HDHD5: variants seen among roughly 807,000 people sequenced by gnomAD.
HDHD5 encodes haloacid dehalogenase-like hydrolase domain-containing 5.
A neutral mutation model predicts 35.5 loss-of-function variants in HDHD5; 34 were observed. The observed-to-expected ratio is 0.96, with a 90% confidence interval of 0.73 to 1.28. HDHD5 has a LOEUF of 1.28. Among genes scored for constraint, HDHD5 ranks in the 50% most tolerant of loss-of-function variants. The pLI, the probability that HDHD5 is intolerant of heterozygous loss-of-function variation, is 0.00. For missense variants in HDHD5, 589 were observed against 560.2 expected (o/e 1.05, Z -0.52); for synonymous variants, 248 against 240.6 (o/e 1.03, Z -0.29).
upstream of HDHD5, among the ~76,000 whole-genome samples, chr22:17,162,796 T>C (rs115134905): frequency 6.3e-4 from 96 of 152,336 alleles, no homozygotes; most frequent in African/African-American, 2.1e-3. Context: ...ACGTCTACCC[T>C]GTGCTATTCT....
chr22:17,147,315 GC>G, intron 3 of HDHD5, among the ~76,000 whole-genome samples: 1 of 97,872 alleles, frequency 1.0e-5, no homozygotes, highest in Non-Finnish European at 2.0e-5. Flanking sequence ...GAGCTTACAG[GC>G]CTTCGATCAC....
rs202011991 is a variant in HDHD5 at position 17,149,628 on chromosome 22, G to A, written c.244C>T (p.Arg82Trp). 3.7e-6 allele frequency: 6 copies of A among 1,613,536 alleles called. No homozygotes were observed. The highest frequency in any genetic ancestry group is 1.8e-4 in the Middle Eastern group (1 of 5,558). Residue 82 changes from arginine to tryptophan, a missense_variant, in exon 2 of 8, where the codon CGG (arginine) becomes TGG (tryptophan). By Grantham distance (101) the Arg-to-Trp change is moderately radical. Transcript: ENST00000336737. ...TTTGTAACAAAAACCACGGGCACCC[G>A]CAGCTGCCCCTGGGAGTTCACCAGC... ...RRLVNSQGQL[R>W]VPVVFVTNAG... is the part of the protein sequence containing the mutation.
chr22:17,138,434 A>C, intron 7 of HDHD5, 77 bp from the exon 8 acceptor site: 1 of 1,560,490 alleles, frequency 6.4e-7, no homozygotes, highest in South Asian at 1.2e-5. Flanking sequence ...AAGGGAGCAG[A>C]GAAGAGTTTC....
chr22:17,145,131 A>T lies in HDHD5; in HGVS notation c.444-14T>A, dbSNP rs1467869342. The T allele has an allele frequency of 6.2e-7, 1 of 1,614,036 alleles. No homozygotes were observed. The highest frequency in any genetic ancestry group is 8.5e-7 in the Non-Finnish European group (1 of 1,179,974). ...CGGAAGCCCAGTCTGGAGCAAGCTC[A>T]GGAAGTAATGCTGGACAGTTCTTGG... On this transcript the variant is annotated splice_polypyrimidine_tract_variant and intron_variant, in intron 3 of 7. Transcript: ENST00000336737.
At chr22:17,141,030 G>C in intron 6 of HDHD5, 29 bp downstream of exon 6, 1 of 1,549,556 alleles carries the variant, frequency 6.5e-7, no homozygotes, top group Non-Finnish European at 8.7e-7. Context: ...TAGACCACCA[G>C]GCCAAGGCTG....
chr22:17,151,481 G>A (rs2061723913), intron 1 of HDHD5, among the ~76,000 whole-genome samples: 1 of 152,164 alleles, frequency 6.6e-6, no homozygotes, highest in Non-Finnish European at 1.5e-5. Context: ...TGTAATCCCA[G>A]CACTTTGGGA....
chr22:17,145,069 A>T lies in HDHD5; in HGVS notation c.492T>A (p.Phe164Leu). ...CCAGGTCCACCATGTCAAGCAGAGG[A>T]AAGGCCATCCGCAGCTCATCCACGG... The part of the protein sequence containing the change: ...VVTVDELRMA[F>L]PLLDMVDLER... Residue 164 changes from phenylalanine to leucine, a missense_variant, in exon 4 of 8, where the codon TTT becomes TTA. By Grantham distance (22) the Phe-to-Leu change is conservative (BLOSUM62 0). Transcript: ENST00000336737. The T allele has an allele frequency of 6.2e-7, 1 of 1,614,004 alleles. No homozygotes were observed. Among genetic ancestry groups the T allele is most frequent in the Non-Finnish European group, 8.5e-7 (1 of 1,180,032 alleles).
At chr22:17,158,780 G>C (rs2061832228) in intron 1 of HDHD5, 1 of 167,746 alleles carries the variant, frequency 6.0e-6, no homozygotes, top group Admixed American at 6.4e-5. Flanking sequence ...ACATGCAGAT[G>C]AAAATCACGA....
chr22:17,159,392 T>C (rs775351488), upstream of HDHD5: 1 of 968,112 alleles, frequency 1.0e-6, no homozygotes, highest in African/African-American at 1.8e-5. Context: ...GTCGGGCGCC[T>C]ATGGAACTCG....
intron 5 of HDHD5, 43 bp downstream of exon 5, chr22:17,143,055 C>G: frequency 6.2e-7 from 1 of 1,601,274 alleles, no homozygotes; most frequent in Non-Finnish European, 8.5e-7. Context: ...AGAGAGGAGA[C>G]GGAGAAAAGA....
intron 6 of HDHD5, among the ~76,000 whole-genome samples, chr22:17,139,354 C>T (rs1484878921): frequency 2.6e-5 from 4 of 152,058 alleles, no homozygotes; most frequent in African/African-American, 9.7e-5. Flanking sequence ...ATGGTGAAAG[C>T]CTGTCTCTAC....
intron 1 of HDHD5, among the ~76,000 whole-genome samples, chr22:17,157,085 T>TACACACATACACACACAC (rs2061803847): frequency 7.0e-6 from 1 of 143,682 alleles, no homozygotes; most frequent in African/African-American, 2.6e-5. Context: ...CTCACACACA[T>TACACACATACACACACAC]ACACACACAC....
In HDHD5 at chr22:17,148,446, AC is replaced by A. The variant is rs1356525338; in HGVS notation, c.443+1del. 2 of 1,612,202 alleles carry A rather than the reference AC, an allele frequency of 1.2e-6. No individual in the cohort carries two copies. The highest frequency in any genetic ancestry group is 2.7e-5 in the African/African-American group (2 of 74,798). On this transcript the variant is annotated splice_donor_variant, in intron 3 of 7. Coordinates refer to ENST00000336737, the MANE Select transcript of HDHD5 (RefSeq NM_033070.3). LOFTEE classifies it high-confidence loss of function. ...CAGCCAGAGTTAAGACCAAAAGGAT[AC>A]CCCTGGGCATTTTCCATCACGGGCC...
At chr22:17,159,073 C>T in intron 1 of HDHD5, 53 bp downstream of exon 1, 1 of 1,215,668 alleles carries the variant, frequency 8.2e-7, no homozygotes, top group Non-Finnish European at 1.0e-6. Flanking sequence ...GCTCCCCGCC[C>T]CGCCTCCGGC....
chr22:17,157,618 T>C (rs1293441987), intron 1 of HDHD5, among the ~76,000 whole-genome samples: 3 of 152,216 alleles, frequency 2.0e-5, no homozygotes, highest in Non-Finnish European at 2.9e-5. Flanking sequence ...ATACAACAGT[T>C]ATAAATAAGG....
rs546909576 is a variant in HDHD5 at position 17,155,865 on chromosome 22, C to T, written c.126+3261G>A. Among the ~76,000 whole-genome samples the T allele has an allele frequency of 3.3e-5, 5 of 152,198 alleles. No homozygotes were observed. The East Asian group carries it at 9.6e-4, about 29-fold the overall frequency. On this transcript the variant is annotated intron_variant, in intron 1 of 7. Transcript: ENST00000336737. Reference sequence around the variant, plus strand: ...CAGGAACTCATAGCTGAAGAAGAGGCAAGAGAAAAGGTAGCCACAGAAAGA... The same window carrying T: ...CAGGAACTCATAGCTGAAGAAGAGGTAAGAGAAAAGGTAGCCACAGAAAGA...
chr22:17,140,924 C>T (rs141864642), intron 6 of HDHD5, 135 bp downstream of exon 6: 2 of 712,666 alleles, frequency 2.8e-6, no homozygotes, highest in Admixed American at 3.9e-5. Flanking sequence ...CAGGTTACTG[C>T]AGCAACAACA....
rs989217128 is a variant in HDHD5, at chr22:17,149,595, T to C, written c.277A>G (p.Asn93Asp). 4.3e-6 allele frequency: 7 copies of C among 1,612,896 alleles called. No individual in the cohort carries two copies. The highest frequency in any genetic ancestry group is 5.1e-6 in the Non-Finnish European group (6 of 1,180,010). The change falls in exon 2 of 8, where the codon AAC (asparagine) becomes GAC (aspartate). Residue 93 changes from asparagine (N) to aspartate (D), a missense_variant. Physicochemically the swap from Asn to Asp is conservative, Grantham distance 23 (BLOSUM62 1). Coordinates refer to ENST00000336737, the MANE Select transcript of HDHD5 (RefSeq NM_033070.3). ...TGGGCTTTGCTGTGTTGTAAGATGT[T>C]CCCAGCATTTGTAACAAAAACCACG... ...VPVVFVTNAG[N>D]ILQHSKAQEL...
At chr22:17,143,869 C>T (rs2061627234) in intron 4 of HDHD5, among the ~76,000 whole-genome samples, 1 of 152,236 alleles carries the variant, frequency 6.6e-6, no homozygotes, top group African/African-American at 2.4e-5. Context: ...CTATGTGATA[C>T]ACAGACGGTG....
Sources: gnomAD v4.1 joint callset for allele counts (sites outside exome capture counted in the v4.1 genomes callset) on GRCh38, gnomAD v4.1.1 for gene constraint, MANE v1.5 for transcripts, NCBI Gene and HGNC (gene_info 2026-07-23, HGNC 2026-07-21) for gene names.